The following AGBL4 variants were observed in gnomAD, a reference collection of about 807,000 sequenced individuals.
AGBL4 encodes the protein cytosolic carboxypeptidase 6.
In AGBL4, 58 loss-of-function variants were observed where a neutral mutation model predicts 66.4. The observed-to-expected ratio is 0.87, with a 90% CI of 0.71 to 1.09. AGBL4 has a LOEUF of 1.09. Ranked by LOEUF, AGBL4 falls within the 50% of genes least tolerant of loss-of-function variation. AGBL4 has a pLI of 0.00. For synonymous variants in AGBL4, 234 were observed against 222.9 expected (o/e 1.05, Z -0.44); for missense variants, 579 against 631.0 (o/e 0.92, Z 0.88).
At position 49,007,853 on chromosome 1, in the gene AGBL4, G is replaced by T. The variant is rs182744156; in HGVS notation, c.594+37731C>A. Among the ~76,000 whole-genome samples the T allele has an allele frequency of 4.3e-3, 652 of 151,876 alleles. 5 individuals carry two copies. The highest frequency in any genetic ancestry group is 0.013 in the Admixed American group (205 of 15,222). On this transcript the variant is annotated intron_variant, in intron 5 of 13. Coordinates refer to ENST00000371839, the MANE Select transcript of AGBL4 (RefSeq NM_032785.4). The stretch of plus-strand genomic sequence containing the variant: ...GAGAGATTTTGTCACCACCAGGCCT[G>T]CCCTAAATGAGCTCCTGAAGGAAGC...
intron 9 of AGBL4, among the ~76,000 whole-genome samples, chr1:48,597,906 GAGGA>G (rs778680556): frequency 1.6e-4 from 24 of 150,200 alleles, no homozygotes; most frequent in African/African-American, 3.9e-4. Context: ...GGGAGGGAAG[GAGGA>G]AGGAAGGAAG....
chr1:49,245,698 A>T, intron 4 of AGBL4, 72 bp downstream of exon 4: 1 of 990,222 alleles, frequency 1.0e-6, no homozygotes, highest in Non-Finnish European at 1.5e-6. Flanking sequence ...GTCCATTAGT[A>T]GGTGTGTATA....
At chr1:49,003,418 T>C (rs1661542560) in intron 5 of AGBL4, among the ~76,000 whole-genome samples, 2 of 151,926 alleles carry the variant, frequency 1.3e-5, no homozygotes, top group Admixed American at 1.3e-4. Context: ...AATACATACA[T>C]ACAAATAAAT....
At chr1:49,785,058 A>G (rs1644419518) in intron 2 of AGBL4, among the ~76,000 whole-genome samples, 1 of 152,074 alleles carries the variant, frequency 6.6e-6, no homozygotes, top group African/African-American at 2.4e-5. Flanking sequence ...ATCTGAAAGC[A>G]AAGTGGCAAC....
intron 5 of AGBL4, among the ~76,000 whole-genome samples, chr1:48,925,951 G>C (rs1305786568): frequency 6.6e-6 from 1 of 152,116 alleles, no homozygotes; most frequent in South Asian, 2.1e-4. Context: ...CCCATTGAAG[G>C]AGGCATTCTC....
At chr1:49,792,964 G>C (rs1386406614) in intron 2 of AGBL4, among the ~76,000 whole-genome samples, 4 of 151,960 alleles carry the variant, frequency 2.6e-5, no homozygotes, top group Non-Finnish European at 1.5e-5. Context: ...CATATGGTTA[G>C]ACTAAGGAGA....
At chr1:49,714,759 T>G (rs536157270) in intron 2 of AGBL4, among the ~76,000 whole-genome samples, 1 of 151,946 alleles carries the variant, frequency 6.6e-6, no homozygotes, top group Non-Finnish European at 1.5e-5. Context: ...TTATTTTTGA[T>G]GAAATTATTT....
chr1:49,282,567 C>T (rs1047329343), intron 3 of AGBL4, among the ~76,000 whole-genome samples: 38 of 152,154 alleles, frequency 2.5e-4, no homozygotes, highest in African/African-American at 8.9e-4. Context: ...CCAGCGTGAG[C>T]GACGCAGAAG....
intron 2 of AGBL4, among the ~76,000 whole-genome samples, chr1:49,797,403 T>C (rs907408118): frequency 2.0e-5 from 3 of 152,120 alleles, no homozygotes; most frequent in African/African-American, 7.2e-5. Flanking sequence ...ATCTTATGAG[T>C]CACTATCAGG....
chr1:49,719,626 C>T (rs1386598469), intron 2 of AGBL4, among the ~76,000 whole-genome samples: 1 of 152,048 alleles, frequency 6.6e-6, no homozygotes, highest in African/African-American at 2.4e-5. Flanking sequence ...GTCATTAGCC[C>T]TTCCTCCATA....
chr1:49,431,171 G>T (rs2148656804), intron 3 of AGBL4, among the ~76,000 whole-genome samples: 1 of 152,014 alleles, frequency 6.6e-6, no homozygotes, highest in African/African-American at 2.4e-5. Flanking sequence ...TGGGTCAGAG[G>T]GTATACATAT....
At chr1:49,443,764 T>C (rs1241963297) in intron 3 of AGBL4, among the ~76,000 whole-genome samples, 1 of 150,816 alleles carries the variant, frequency 6.6e-6, no homozygotes, top group Non-Finnish European at 1.5e-5. Flanking sequence ...ATTTTATTTA[T>C]ATCTGTTCTG....
chr1:49,350,188 T>G (rs1011011025), intron 3 of AGBL4, among the ~76,000 whole-genome samples: 14 of 118,280 alleles, frequency 1.2e-4, no homozygotes, highest in South Asian at 5.5e-4. Context: ...TGAATATTTG[T>G]TTTTTTTTTT....
At chr1:49,944,532 T>G (rs551777515) in intron 1 of AGBL4, among the ~76,000 whole-genome samples, 1 of 152,046 alleles carries the variant, frequency 6.6e-6, no homozygotes, top group African/African-American at 2.4e-5. Context: ...ATCAAGGGAA[T>G]ACTATGTAGG....
intron 3 of AGBL4, among the ~76,000 whole-genome samples, chr1:49,256,499 C>T (rs1046665949): frequency 6.6e-6 from 1 of 151,958 alleles, no homozygotes; most frequent in Non-Finnish European, 1.5e-5. Context: ...GACTTCAAAA[C>T]GCAAAACTAT....
intron 6 of AGBL4, among the ~76,000 whole-genome samples, chr1:48,702,288 G>T (rs1298857911): frequency 3.3e-5 from 5 of 150,650 alleles, no homozygotes; most frequent in Non-Finnish European, 5.9e-5. Context: ...GTTTTTTTTT[G>T]TTTTGTTTTG....
intron 3 of AGBL4, among the ~76,000 whole-genome samples, chr1:49,356,795 C>G (rs1644028950): frequency 1.3e-5 from 2 of 152,152 alleles, no homozygotes; most frequent in Admixed American, 1.3e-4. Flanking sequence ...TGTGGAGAGT[C>G]ATTTCCATTT....
intron 1 of AGBL4, among the ~76,000 whole-genome samples, chr1:49,945,911 T>A (rs370797778): frequency 6.6e-6 from 1 of 152,064 alleles, no homozygotes; most frequent in Non-Finnish European, 1.5e-5. Context: ...AGAGCATCTA[T>A]TCTTATATCA....
At chr1:49,642,567 C>CAT in intron 3 of AGBL4, among the ~76,000 whole-genome samples, 2 of 152,032 alleles carry the variant, frequency 1.3e-5, no homozygotes, top group Middle Eastern at 6.8e-3. Context: ...CTGATAAACA[C>CAT]ATGCATGTGT....
Sources: gnomAD v4.1 joint callset for allele counts (sites outside exome capture counted in the v4.1 genomes callset) on GRCh38, gnomAD v4.1.1 for gene constraint, MANE v1.5 for transcripts, NCBI Gene and HGNC (gene_info 2026-07-23, HGNC 2026-07-21) for gene names.